Variants in PLSCR2 observed in about 807,000 individuals in gnomAD.
The protein encoded by PLSCR2 is PL scramblase 2.
PLSCR2 carries 18 observed loss-of-function variants against 25.3 expected under a neutral mutation model. The observed-to-expected ratio is 0.71, with a 90% confidence interval of 0.49 to 1.06. PLSCR2 has a LOEUF of 1.06. Ranked by LOEUF, PLSCR2 falls within the 50% of genes least tolerant of loss-of-function variation. The probability of loss-of-function intolerance (pLI) is 0.00; values close to 1 mark genes in which losing one functional copy is unlikely to be tolerated. For missense variants in PLSCR2, 243 were observed against 269.5 expected (o/e 0.90, Z 0.69); for synonymous variants, 88 against 87.3 (o/e 1.01, Z -0.04).
intron 6 of PLSCR2, among the ~76,000 whole-genome samples, chr3:146,442,158 T>C (rs1226526031): frequency 1.3e-5 from 2 of 152,066 alleles, no homozygotes; most frequent in Non-Finnish European, 2.9e-5. Context: ...TCTAGTAATA[T>C]AACTCTTCTT....
intron 1 of PLSCR2, among the ~76,000 whole-genome samples, chr3:146,480,804 C>T (rs778218268): frequency 1.1e-4 from 16 of 151,858 alleles, no homozygotes; most frequent in Non-Finnish European, 2.1e-4. Context: ...AGACCAAAAT[C>T]CCTGATGATC....
At chr3:146,468,849 T>C (rs1301166618) in intron 1 of PLSCR2, among the ~76,000 whole-genome samples, 1 of 152,220 alleles carries the variant, frequency 6.6e-6, no homozygotes, top group African/African-American at 2.4e-5. Flanking sequence ...ATGTGCCAAA[T>C]TTCAGTGTAA....
chr3:146,408,877 G>A (rs960202697), intron 2 of PLSCR2, among the ~76,000 whole-genome samples: 3 of 152,094 alleles, frequency 2.0e-5, no homozygotes, highest in Non-Finnish European at 4.4e-5. Flanking sequence ...TAAGGAATTT[G>A]GGTCTCAGGC....
At chr3:146,487,852 G>A (rs2043402058) in intron 1 of PLSCR2, among the ~76,000 whole-genome samples, 1 of 151,986 alleles carries the variant, frequency 6.6e-6, no homozygotes. Context: ...CCAAAAAAGA[G>A]CCCTTATAGC....
At position 146,456,649 on chromosome 3, in the gene PLSCR2, A is replaced by C. The variant is rs1286518241; in HGVS notation, c.101-1190T>G. Among the ~76,000 whole-genome samples, 5 of 152,192 alleles carry C rather than the reference A, an allele frequency of 3.3e-5. No homozygotes were observed. In the South Asian group the frequency reaches 1.0e-3, roughly 31 times the overall value. On this transcript the variant is annotated intron_variant, in intron 3 of 6. Transcript: ENST00000610787. ...AATGGAGACAAAACAAAAGATTGCA[A>C]CAATTATATTTTTAGCATCTATTAA... is the stretch of plus-strand genomic sequence containing the variant.
intron 2 of PLSCR2, among the ~76,000 whole-genome samples, chr3:146,396,995 C>A (rs11720256): frequency 0.53 from 79,751 of 151,810 alleles, 21,209 homozygotes; most frequent in South Asian, 0.71. Context: ...TTTCCTGCCT[C>A]CTTCCTGTTA....
At chr3:146,408,040 G>C (rs976114803) in intron 2 of PLSCR2, among the ~76,000 whole-genome samples, 3 of 152,210 alleles carry the variant, frequency 2.0e-5, no homozygotes, top group African/African-American at 7.2e-5. Context: ...CTGCCAGGAT[G>C]CGAGCATTTG....
intron 4 of PLSCR2, among the ~76,000 whole-genome samples, chr3:146,454,707 A>C (rs1038612280): frequency 8.5e-5 from 13 of 152,156 alleles, no homozygotes; most frequent in African/African-American, 2.7e-4. Context: ...ACAGATATCC[A>C]TTTAGGATAT....
chr3:146,483,449 GTA>G (rs1397387338), intron 1 of PLSCR2, among the ~76,000 whole-genome samples: 2 of 30,594 alleles, frequency 6.5e-5, no homozygotes, highest in African/African-American at 1.5e-4. Flanking sequence ...ATATACACAT[GTA>G]TGTATATATA....
intron 1 of PLSCR2, among the ~76,000 whole-genome samples, chr3:146,488,806 C>T (rs2043439720): frequency 6.6e-6 from 1 of 152,060 alleles, no homozygotes; most frequent in African/African-American, 2.4e-5. Context: ...ACCCACCTAT[C>T]CCATTACTGG....
chr3:146,495,766 T>C (rs1369342476), intron 1 of PLSCR2: 6 of 644,610 alleles, frequency 9.3e-6, no homozygotes, highest in South Asian at 4.1e-5. Context: ...ATACCTAGTA[T>C]GAGTTTAAGG....
intron 2 of PLSCR2, among the ~76,000 whole-genome samples, chr3:146,400,341 T>G (rs563360830): frequency 2.6e-4 from 40 of 151,530 alleles, no homozygotes; most frequent in Non-Finnish European, 3.8e-4. Flanking sequence ...ATATACTATA[T>G]ACAAGCAACA....
chr3:146,440,652 T>C (rs1233982693), downstream of PLSCR2, among the ~76,000 whole-genome samples: 3 of 152,222 alleles, frequency 2.0e-5, no homozygotes, highest in Non-Finnish European at 2.9e-5. Context: ...GGGTTGCTCA[T>C]GCTGGGAGCT....
At chr3:146,462,046 T>G, upstream of PLSCR2, 1 of 595,310 alleles carries the variant, frequency 1.7e-6, no homozygotes, top group Non-Finnish European at 2.8e-6. Context: ...TTACTTTTAT[T>G]GTTCATGGAT....
chr3:146,483,509 A>ACATGTGTATATATATATATATATATATAT (rs1553791539), intron 1 of PLSCR2, among the ~76,000 whole-genome samples: 1 of 127,072 alleles, frequency 7.9e-6, no homozygotes, highest in Non-Finnish European at 1.7e-5. Context: ...ATATATATAT[A>ACATGTGTATATATATATATATATATATAT]ATGTTACTAC....
exon 5 of PLSCR2, chr3:146,454,047 A>G: frequency 6.2e-7 from 1 of 1,610,320 alleles, no homozygotes; most frequent in Non-Finnish European, 8.5e-7. Flanking sequence ...TACATGGACC[A>G]CTAATTTTTA....
At chr3:146,471,825 A>C (rs963744571) in intron 1 of PLSCR2, among the ~76,000 whole-genome samples, 1 of 152,172 alleles carries the variant, frequency 6.6e-6, no homozygotes, top group African/African-American at 2.4e-5. Flanking sequence ...TGGCCTCCCA[A>C]AGTGCTGGGA....
rs755700222 is a variant in PLSCR2, at chr3:146,402,581, C to A, written c.101-6660G>T. ...CTCCCAGGTTCAAGTGATTCTCCTG[C>A]CTCAGCCTCCCGAGTAGCCAAGACT... is the stretch of plus-strand genomic sequence containing the variant. On this transcript the variant is annotated intron_variant and NMD_transcript_variant, in intron 2 of 3. Transcript: ENST00000463633. Among the ~76,000 whole-genome samples the A allele has an allele frequency of 2.8e-4, 43 of 152,022 alleles. 1 individual carries two copies. Among genetic ancestry groups the A allele is most frequent in the Admixed American group, 1.2e-3 (19 of 15,252 alleles).
At chr3:146,449,578 AAGT>A (rs1458800185) in intron 5 of PLSCR2, among the ~76,000 whole-genome samples, 1 of 152,076 alleles carries the variant, frequency 6.6e-6, no homozygotes, top group Non-Finnish European at 1.5e-5. Flanking sequence ...ACTTACATAA[AAGT>A]AGTTTTACGA....
Sources: gnomAD v4.1 joint callset for allele counts (sites outside exome capture counted in the v4.1 genomes callset) on GRCh38, gnomAD v4.1.1 for gene constraint, MANE v1.5 for transcripts, NCBI Gene and HGNC (gene_info 2026-07-23, HGNC 2026-07-21) for gene names.